The following GLYATL1 variants were observed in gnomAD, a reference collection of about 807,000 sequenced individuals.
The protein encoded by GLYATL1 is glycine-N-acyltransferase like 1, also known as glycine N-acyltransferase-like protein 1.
In GLYATL1, 15 loss-of-function variants were observed where a neutral mutation model predicts 20.0. That is an observed-to-expected ratio of 0.75 (90% CI 0.50 to 1.15). The LOEUF is 1.15. GLYATL1 is among the 50% of genes most tolerant of loss of function. The probability of loss-of-function intolerance (pLI) is 0.00; values close to 1 mark genes in which losing one functional copy is unlikely to be tolerated. For missense variants in GLYATL1, 380 were observed against 368.5 expected (o/e 1.03, Z -0.26); for synonymous variants, 151 against 131.5 (o/e 1.15, Z -1.01).
At chr11:58,916,363 G>A (rs1438175939) in intron 1 of GLYATL1, among the ~76,000 whole-genome samples, 6 of 152,154 alleles carry the variant, frequency 3.9e-5, no homozygotes, top group Non-Finnish European at 8.8e-5. Flanking sequence ...CTGAAAGTAC[G>A]ATTACCCCAT....
intron 1 of GLYATL1, among the ~76,000 whole-genome samples, chr11:58,921,617 C>T (rs1012475309): frequency 6.6e-6 from 1 of 152,156 alleles, no homozygotes; most frequent in Non-Finnish European, 1.5e-5. Flanking sequence ...TAGCCTTGGC[C>T]GGCTCTCGAA....
rs372592160 is a variant in GLYATL1, at chr11:58,950,315, A to G, written c.186+2350A>G. 7.9e-5 allele frequency among the ~76,000 whole-genome samples: 12 copies of G among 151,838 alleles called. No individual in the cohort carries two copies. The East Asian group carries it at 2.1e-3, about 27-fold the overall frequency. On this transcript the variant is annotated intron_variant, in intron 4 of 6. Coordinates refer to ENST00000532726, the MANE Select transcript of GLYATL1 (RefSeq NM_001389712.2). ...TAAAAAAAAAAAAACAAAAAAATAA[A>G]CAGAGGGATATTCACTGATGATCTC... is the stretch of plus-strand genomic sequence containing the variant.
intron 1 of GLYATL1, among the ~76,000 whole-genome samples, chr11:58,919,253 G>A (rs1855251645): frequency 1.3e-5 from 2 of 152,126 alleles, no homozygotes; most frequent in African/African-American, 4.8e-5. Context: ...TATAATTCAG[G>A]TGGCCGGCTG....
chr11:58,950,085 C>T (rs867506454), intron 4 of GLYATL1, among the ~76,000 whole-genome samples: 20 of 121,438 alleles, frequency 1.6e-4, no homozygotes, highest in African/African-American at 6.3e-4. Context: ...ATCGAGACCA[C>T]GGTGAAACCC....
intron 1 of GLYATL1, among the ~76,000 whole-genome samples, chr11:58,920,274 G>A (rs1389604557): frequency 1.3e-5 from 2 of 152,094 alleles, no homozygotes; most frequent in Admixed American, 1.3e-4. Flanking sequence ...AACTGCAGGA[G>A]GAAAGAAAGA....
At chr11:58,941,363 C>T (rs1009152550) in intron 1 of GLYATL1, among the ~76,000 whole-genome samples, 3 of 152,024 alleles carry the variant, frequency 2.0e-5, no homozygotes, top group Non-Finnish European at 4.4e-5. Flanking sequence ...CTACAAAGGA[C>T]ATGAACTCGT....
intron 5 of GLYATL1, 60 bp downstream of exon 5, chr11:58,954,956 C>G (rs1857280719): frequency 6.6e-7 from 1 of 1,520,474 alleles, no homozygotes; most frequent in Admixed American, 1.9e-5. Flanking sequence ...CTTCAACTAA[C>G]AGCATTAGCA....
chr11:58,931,970 G>GGCGT (rs558527300), intron 1 of GLYATL1, among the ~76,000 whole-genome samples: 11 of 151,964 alleles, frequency 7.2e-5, no homozygotes, highest in Admixed American at 2.6e-4. Flanking sequence ...AAATTAGCCA[G>GGCGT]GCGTGGTGGC....
chr11:58,915,228 G>T (rs955503723), intron 1 of GLYATL1, among the ~76,000 whole-genome samples: 1 of 152,314 alleles, frequency 6.6e-6, no homozygotes, highest in African/African-American at 2.4e-5. Context: ...TACAGTAAGT[G>T]CAGATTACCC....
intron 4 of GLYATL1, among the ~76,000 whole-genome samples, chr11:58,951,253 A>G (rs1157266042): frequency 2.6e-5 from 4 of 152,130 alleles, no homozygotes; most frequent in Non-Finnish European, 5.9e-5. Context: ...ATTCTTTTAT[A>G]TTAATCTTCC....
intron 1 of GLYATL1, among the ~76,000 whole-genome samples, chr11:58,906,838 GACGGTTGTTTAAACA>G (rs1166859479): frequency 1.3e-5 from 2 of 152,172 alleles, no homozygotes; most frequent in African/African-American, 4.8e-5. Context: ...TGGCCACATA[GACGGTTGTTTAAACA>G]ACGCGGTGCT....
chr11:58,922,425 C>T (rs1052648161), intron 1 of GLYATL1, among the ~76,000 whole-genome samples: 3 of 151,996 alleles, frequency 2.0e-5, no homozygotes, highest in Admixed American at 6.5e-5. Context: ...TGGCCATGCT[C>T]ATTATAATAG....
At chr11:58,950,229 T>C (rs368578921) in intron 4 of GLYATL1, among the ~76,000 whole-genome samples, 54 of 150,994 alleles carry the variant, frequency 3.6e-4, no homozygotes, top group African/African-American at 1.3e-3. Flanking sequence ...AGGCGGAGCT[T>C]GCAGTGAGCT....
chr11:58,915,252 A>G (rs1855144100), intron 1 of GLYATL1, among the ~76,000 whole-genome samples: 1 of 152,200 alleles, frequency 6.6e-6, no homozygotes, highest in Non-Finnish European at 1.5e-5. Context: ...TCAGTAATTT[A>G]TTCTGATTTT....
chr11:58,955,691 T>C lies in GLYATL1; in HGVS notation c.573T>C (p.Asn191=), dbSNP rs1857356640. ...ATGACAACTGGAAGCGAGGGAAGAA[T>C]GAGAGGAGCCTGCATTACATCAAGC... is the stretch of plus-strand genomic sequence containing the variant. ...LVNDNWKRGK[N]ERSLHYIKRC... is the part of the protein sequence containing the mutation. Residue 191 remains asparagine, a synonymous_variant, in exon 7 of 7, where the codon AAT becomes AAC. Coordinates refer to ENST00000532726, the MANE Select transcript of GLYATL1 (RefSeq NM_001389712.2). The C allele has an allele frequency of 1.2e-6, 2 of 1,614,100 alleles. No individual in the cohort carries two copies. The highest frequency in any genetic ancestry group is 1.1e-5 in the South Asian group (1 of 91,080).
chr11:58,917,741 C>G (rs1355804872), intron 1 of GLYATL1, among the ~76,000 whole-genome samples: 1 of 152,196 alleles, frequency 6.6e-6, no homozygotes, highest in Non-Finnish European at 1.5e-5. Flanking sequence ...AAACAGAAAT[C>G]TATAAACTCA....
chr11:58,923,494 T>G (rs926512790), upstream of GLYATL1, among the ~76,000 whole-genome samples: 5 of 152,342 alleles, frequency 3.3e-5, no homozygotes, highest in South Asian at 4.1e-4. Flanking sequence ...CTTTCCCTTT[T>G]TCATCTGCAA....
upstream of GLYATL1, chr11:58,935,485 CACA>C (rs1465120666): frequency 6.6e-6 from 1 of 152,172 alleles, no homozygotes; most frequent in Admixed American, 6.5e-5. Context: ...TTCTCTGCTA[CACA>C]ACATTTCTGT....
At chr11:58,954,726 A>G in intron 4 of GLYATL1, 44 bp from the exon 5 acceptor site, 1 of 1,523,062 alleles carries the variant, frequency 6.6e-7, no homozygotes, top group Non-Finnish European at 8.8e-7. Flanking sequence ...AGAGGTGAAG[A>G]AAAAGTTCAA....
Sources: gnomAD v4.1 joint callset for allele counts (sites outside exome capture counted in the v4.1 genomes callset) on GRCh38, gnomAD v4.1.1 for gene constraint, MANE v1.5 for transcripts, NCBI Gene and HGNC (gene_info 2026-07-23, HGNC 2026-07-21) for gene names.